Variants in P3H2 observed in about 807,000 individuals in gnomAD.
P3H2 encodes leprecan-like 1.
P3H2 carries 80 observed loss-of-function variants against 87.0 expected under a neutral mutation model. The observed-to-expected ratio is 0.92, with a 90% CI of 0.77 to 1.11. P3H2 has a LOEUF of 1.11. Ranked by LOEUF, P3H2 falls within the 50% of genes least tolerant of loss-of-function variation. The probability of loss-of-function intolerance (pLI) is 0.00; values close to 1 mark genes in which losing one functional copy is unlikely to be tolerated. For missense variants in P3H2, 1,001 were observed against 923.9 expected (o/e 1.08, Z -1.08); for synonymous variants, 367 against 359.3 (o/e 1.02, Z -0.24).
chr3:189,966,011 GAGAA>G (rs1205999520), intron 13 of P3H2, among the ~76,000 whole-genome samples: 34 of 137,610 alleles, frequency 2.5e-4, no homozygotes, highest in Non-Finnish European at 4.8e-4. Flanking sequence ...AAGAGAGGGA[GAGAA>G]AGAAAGAAAA....
rs1712549627 is a variant in P3H2, at chr3:190,120,787, C to A, written c.-56G>T. Reference sequence around the variant, plus strand: ...CGCTCGAGAGGGCTTCGGGGCACCTCGCGTCCGGGTCCCCTCTCCCACCTT... The same window carrying A: ...CGCTCGAGAGGGCTTCGGGGCACCTAGCGTCCGGGTCCCCTCTCCCACCTT... On this transcript the variant is annotated 5_prime_UTR_variant, in exon 1 of 15. Coordinates refer to ENST00000319332, the MANE Select transcript of P3H2 (RefSeq NM_018192.4). 6.7e-7 allele frequency: 1 copy of A among 1,499,734 alleles called. No individual in the cohort carries two copies. The highest frequency in any genetic ancestry group is 2.1e-5 in the Admixed American group (1 of 48,022). The allele number at this position is 1,499,734 out of a possible 1,614,324, so 92.9% of individuals were successfully genotyped here.
intron 9 of P3H2, 112 bp from the exon 10 acceptor site, chr3:189,974,116 C>T: frequency 1.2e-6 from 1 of 845,886 alleles, no homozygotes; most frequent in Non-Finnish European, 2.1e-6. Context: ...TAAGAACCAT[C>T]CCCATTTTAT....
At chr3:190,084,648 ATAT>A (rs535451800) in intron 1 of P3H2, among the ~76,000 whole-genome samples, 54 of 152,328 alleles carry the variant, frequency 3.5e-4, no homozygotes, top group African/African-American at 1.2e-3. Context: ...GAAGAATAAA[ATAT>A]TATTGTATAA....
intron 1 of P3H2, among the ~76,000 whole-genome samples, chr3:190,001,938 T>A (rs917267533): frequency 6.6e-6 from 1 of 152,194 alleles, no homozygotes; most frequent in African/African-American, 2.4e-5. Flanking sequence ...TTACAAAACA[T>A]CAAATTTTGA....
At chr3:190,121,308 C>T (rs533173464), upstream of P3H2, among the ~76,000 whole-genome samples, 9 of 151,010 alleles carry the variant, frequency 6.0e-5, no homozygotes, top group East Asian at 1.8e-3. Flanking sequence ...CAAATCTGCG[C>T]ATTCTGCACG....
intron 1 of P3H2, among the ~76,000 whole-genome samples, chr3:190,056,108 G>A (rs367612808): frequency 3.9e-5 from 6 of 152,246 alleles, no homozygotes; most frequent in African/African-American, 1.4e-4. Context: ...CTCTCTCTCT[G>A]CCTCTCACAT....
chr3:190,045,873 G>C (rs915327373), intron 1 of P3H2, among the ~76,000 whole-genome samples: 8 of 152,088 alleles, frequency 5.3e-5, no homozygotes, highest in Non-Finnish European at 1.0e-4. Flanking sequence ...TGTAATCCCA[G>C]CACTTTAGGA....
At chr3:190,099,716 G>A (rs192018478) in intron 1 of P3H2, among the ~76,000 whole-genome samples, 12 of 152,276 alleles carry the variant, frequency 7.9e-5, no homozygotes, top group Admixed American at 2.6e-4. Flanking sequence ...AAAAAAGATG[G>A]TATTAACAAT....
At chr3:189,991,385 T>A (rs1266427430) in intron 3 of P3H2, among the ~76,000 whole-genome samples, 1 of 152,202 alleles carries the variant, frequency 6.6e-6, no homozygotes, top group African/African-American at 2.4e-5. Context: ...ATAAGAAACC[T>A]TAAAAATAAT....
intron 1 of P3H2, among the ~76,000 whole-genome samples, chr3:190,087,404 T>C (rs1247144756): frequency 6.6e-5 from 10 of 150,760 alleles, no homozygotes; most frequent in South Asian, 4.2e-4. Flanking sequence ...ATTAGCTGGG[T>C]GTGGTGGCGG....
At position 190,007,959 on chromosome 3, in the gene P3H2, G is replaced by GAC. The variant is rs371622835; in HGVS notation, c.481-12519_481-12518dup. ...TCAGCTGCCTGAGACTCTATTTGTT[G>GAC]ACACACATATATATATATATATATA... On this transcript the variant is annotated intron_variant, in intron 1 of 14. Coordinates refer to ENST00000319332, the MANE Select transcript of P3H2 (RefSeq NM_018192.4). Among the ~76,000 whole-genome samples, 99 of 100,712 alleles carry GAC rather than the reference G, an allele frequency of 9.8e-4. 3 individuals are homozygous for GAC. Among genetic ancestry groups the GAC allele is most frequent in the South Asian group, 4.8e-3 (13 of 2,684 alleles). The allele number at this position is 100,712 out of a possible 152,430, so 66.1% of individuals were successfully genotyped here.
At position 189,957,542 on chromosome 3, in the gene P3H2, G is replaced by T. The variant is rs1346520473; in HGVS notation, c.*370C>A. On this transcript the variant is annotated 3_prime_UTR_variant, in exon 15 of 15. Coordinates refer to ENST00000319332, the MANE Select transcript of P3H2 (RefSeq NM_018192.4). ...TGAAATGATGAAAAACCAAGAAAGA[G>T]AGCTGGGTGTGGTGGCACGTGCCTG... is the stretch of plus-strand genomic sequence containing the variant. 1.0e-5 allele frequency: 4 copies of T among 395,026 alleles called. No homozygotes were observed. The highest frequency in any genetic ancestry group is 1.8e-5 in the Non-Finnish European group (4 of 221,702). 24.5% of individuals were successfully genotyped at this position (395,026 alleles called of 1,614,324 possible). A position where few individuals can be genotyped will look rare whatever the true frequency, so the allele number is the denominator to read the frequency against.
chr3:189,988,429 C>CAT (rs536996181), intron 4 of P3H2, among the ~76,000 whole-genome samples: 61 of 151,256 alleles, frequency 4.0e-4, no homozygotes, highest in African/African-American at 8.5e-4. Flanking sequence ...ATAATAAATA[C>CAT]ATACACACAC....
intron 1 of P3H2, among the ~76,000 whole-genome samples, chr3:190,057,820 A>T (rs1293384771): frequency 6.6e-6 from 1 of 152,194 alleles, no homozygotes; most frequent in African/African-American, 2.4e-5. Context: ...TAGGTAACAT[A>T]TTCAGCAGTA....
At chr3:190,015,875 G>A (rs1249025886) in intron 1 of P3H2, among the ~76,000 whole-genome samples, 1 of 152,164 alleles carries the variant, frequency 6.6e-6, no homozygotes, top group Non-Finnish European at 1.5e-5. Context: ...TGGTCCACTG[G>A]AAGTAAGCAG....
chr3:190,042,282 A>C (rs1725660816), intron 1 of P3H2, among the ~76,000 whole-genome samples: 1 of 152,164 alleles, frequency 6.6e-6, no homozygotes, highest in South Asian at 2.1e-4. Flanking sequence ...CCAGTCCACA[A>C]AGTTTGTGGC....
At chr3:190,110,553 G>A (rs1048577830) in intron 1 of P3H2, among the ~76,000 whole-genome samples, 5 of 152,186 alleles carry the variant, frequency 3.3e-5, no homozygotes, top group African/African-American at 1.2e-4. Flanking sequence ...GCTGACTGTT[G>A]ATCCTGGATT....
chr3:189,983,470 A>G (rs747396098), intron 7 of P3H2: 12 of 268,208 alleles, frequency 4.5e-5, no homozygotes, highest in African/African-American at 8.7e-5. Context: ...AGAGTGTCCA[A>G]TGGGGCCTGG....
At chr3:190,112,664 G>A (rs570107783) in intron 1 of P3H2, among the ~76,000 whole-genome samples, 212 of 152,302 alleles carry the variant, frequency 1.4e-3, no homozygotes, top group South Asian at 4.4e-3. Context: ...TAGTACAGTA[G>A]AGCAGAAAGG....
Sources: gnomAD v4.1 joint callset for allele counts (sites outside exome capture counted in the v4.1 genomes callset) on GRCh38, gnomAD v4.1.1 for gene constraint, MANE v1.5 for transcripts, NCBI Gene and HGNC (gene_info 2026-07-23, HGNC 2026-07-21) for gene names.